CNTN5: variants seen among roughly 807,000 people sequenced by gnomAD.
CNTN5 encodes contactin 5.
A neutral mutation model predicts 129.1 loss-of-function variants in CNTN5; 77 were observed. That is an observed-to-expected ratio of 0.60 (90% CI 0.50 to 0.72). The LOEUF is 0.72. Among genes scored for constraint, CNTN5 ranks in the 30% least tolerant of loss-of-function variants. The probability of loss-of-function intolerance (pLI) is 0.00; values close to 1 mark genes in which losing one functional copy is unlikely to be tolerated. For synonymous variants in CNTN5, 509 were observed against 465.6 expected, an observed-to-expected ratio of 1.09 and a Z score of -1.20; for missense variants, 1,478 against 1,328.8, an observed-to-expected ratio of 1.11 and a Z score of -1.75.
Position 100,013,352 on chromosome 11 carries a change from G to T in CNTN5, c.980+11216G>T, listed in dbSNP as rs551048719. On this transcript the variant is annotated intron_variant, in intron 9 of 24. Transcript: ENST00000524871. ...ATAAACTTATACAAATAATAAAAAA[G>T]ACTTAGTATATCCATCAGAAGTTTC... is the stretch of plus-strand genomic sequence containing the variant. 5.1e-4 allele frequency among the ~76,000 whole-genome samples: 78 copies of T among 152,132 alleles called. 4 individuals are homozygous for T. The South Asian group carries it at 0.016, about 31-fold the overall frequency.
intron 2 of CNTN5, among the ~76,000 whole-genome samples, chr11:99,332,637 G>T (rs1229088773): frequency 6.6e-6 from 1 of 152,032 alleles, no homozygotes; most frequent in Non-Finnish European, 1.5e-5. Flanking sequence ...GGGAAAGAGA[G>T]AGTTAAAATG....
chr11:99,954,898 C>T (rs1422033625), intron 7 of CNTN5, among the ~76,000 whole-genome samples: 3 of 152,076 alleles, frequency 2.0e-5, no homozygotes, highest in African/African-American at 7.2e-5. Flanking sequence ...TTTGAGTCCC[C>T]AAATACTTAC....
intron 3 of CNTN5, among the ~76,000 whole-genome samples, chr11:99,737,777 T>C (rs184733042): frequency 1.3e-5 from 2 of 152,258 alleles, no homozygotes; most frequent in Non-Finnish European, 2.9e-5. Flanking sequence ...GTCCCTAATG[T>C]AGATTTGTTA....
intron 1 of CNTN5, among the ~76,000 whole-genome samples, chr11:99,313,316 A>G (rs1484466605): frequency 6.6e-6 from 1 of 152,102 alleles, no homozygotes; most frequent in Non-Finnish European, 1.5e-5. Flanking sequence ...AGCTTGAATT[A>G]TTTGTGCTTT....
At chr11:100,040,674 G>A (rs1434957798) in intron 9 of CNTN5, among the ~76,000 whole-genome samples, 1 of 152,108 alleles carries the variant, frequency 6.6e-6, no homozygotes, top group Non-Finnish European at 1.5e-5. Context: ...ACTCATCAAT[G>A]GTGGGCGCCC....
At chr11:99,388,039 C>T (rs1941020281) in intron 2 of CNTN5, among the ~76,000 whole-genome samples, 1 of 152,136 alleles carries the variant, frequency 6.6e-6, no homozygotes, top group Non-Finnish European at 1.5e-5. Flanking sequence ...ACTCCTGATT[C>T]TCCTACATAT....
intron 15 of CNTN5, among the ~76,000 whole-genome samples, chr11:100,213,093 G>A (rs1049867416): frequency 2.6e-5 from 4 of 151,912 alleles, no homozygotes; most frequent in Non-Finnish European, 5.9e-5. Flanking sequence ...TAAAAGCAAC[G>A]ATAAGCTTAT....
In CNTN5 at chr11:100,255,647, A is replaced by G. The variant is rs112151606; in HGVS notation, c.2006-113A>G. ...GTTGTCAATTTTAATTACTAAATTC[A>G]TATTTCATTAAGGTGATTACATAGT... On this transcript the variant is annotated intron_variant, in intron 16 of 24. Transcript: ENST00000524871. 143 of 884,746 alleles carry G rather than the reference A, an allele frequency of 1.6e-4. No individual in the cohort carries two copies. In the African/African-American group the frequency reaches 2.1e-3, roughly 13 times the overall value. The allele number at this position is 884,746 out of a possible 1,614,324, so 54.8% of individuals were successfully genotyped here.
At chr11:100,213,019 A>C (rs928492799) in intron 15 of CNTN5, among the ~76,000 whole-genome samples, 3 of 152,288 alleles carry the variant, frequency 2.0e-5, no homozygotes, top group African/African-American at 7.2e-5. Flanking sequence ...TGGCAGAAAC[A>C]ACATTTGTAT....
At chr11:99,275,377 A>G (rs1341135958) in intron 1 of CNTN5, among the ~76,000 whole-genome samples, 1 of 151,620 alleles carries the variant, frequency 6.6e-6, no homozygotes, top group African/African-American at 2.4e-5. Context: ...CTATAATTAA[A>G]TTATATATGT....
At chr11:99,506,361 C>T (rs1946619161) in intron 2 of CNTN5, among the ~76,000 whole-genome samples, 1 of 152,166 alleles carries the variant, frequency 6.6e-6, no homozygotes, top group South Asian at 2.1e-4. Flanking sequence ...GAGCATCTTG[C>T]TCTCTGTTTA....
intron 1 of CNTN5, among the ~76,000 whole-genome samples, chr11:99,073,642 A>AT (rs1440679940): frequency 6.6e-6 from 1 of 151,792 alleles, no homozygotes; most frequent in Non-Finnish European, 1.5e-5. Flanking sequence ...GAGTGAAAAC[A>AT]CGCGGTGTTT....
intron 6 of CNTN5, among the ~76,000 whole-genome samples, chr11:99,911,202 T>A (rs576996079): frequency 2.8e-4 from 43 of 152,168 alleles, no homozygotes; most frequent in Non-Finnish European, 2.8e-4. Flanking sequence ...TTATAAAAAA[T>A]TTTAAAATTT....
intron 1 of CNTN5, among the ~76,000 whole-genome samples, chr11:99,136,122 A>G (rs1591256899): frequency 6.6e-6 from 1 of 152,222 alleles, no homozygotes; most frequent in East Asian, 1.9e-4. Context: ...AAGGCCAGGT[A>G]TTCTAATTAT....
At chr11:99,183,204 A>G (rs2135570576) in intron 1 of CNTN5, among the ~76,000 whole-genome samples, 1 of 152,286 alleles carries the variant, frequency 6.6e-6, no homozygotes, top group East Asian at 1.9e-4. Flanking sequence ...AAGCAACACC[A>G]TAACATTTTC....
chr11:99,653,759 C>T (rs955577676), intron 3 of CNTN5, among the ~76,000 whole-genome samples: 1 of 152,032 alleles, frequency 6.6e-6, no homozygotes, highest in Non-Finnish European at 1.5e-5. Flanking sequence ...CCTAGGAGAG[C>T]ATGGATTTCT....
At chr11:99,143,307 T>A (rs1024792358) in intron 1 of CNTN5, among the ~76,000 whole-genome samples, 5 of 99,404 alleles carry the variant, frequency 5.0e-5, no homozygotes, top group Admixed American at 4.0e-4. Context: ...ACATGTAAAA[T>A]ATATATATTT....
At chr11:100,255,457 C>G (rs1950046805) in intron 16 of CNTN5, among the ~76,000 whole-genome samples, 1 of 152,098 alleles carries the variant, frequency 6.6e-6, no homozygotes, top group Non-Finnish European at 1.5e-5. Context: ...GCATTTGATA[C>G]TGGCATTCAC....
Position 99,636,785 on chromosome 11 carries a change from TG to T in CNTN5, c.55+80522del, listed in dbSNP as rs1214997561. 9.9e-5 allele frequency among the ~76,000 whole-genome samples: 9 copies of T among 90,998 alleles called. No individual in the cohort carries two copies. The South Asian group carries it at 2.6e-3, about 26-fold the overall frequency. The allele number at this position is 90,998 out of a possible 152,430, so 59.7% of individuals were successfully genotyped here. ...ATCTCAGCACTTTGGGAGGCCAAGG[TG>T]GGGGGATGGACGAGATCAGGAGATC... On this transcript the variant is annotated intron_variant, in intron 3 of 24. Transcript: ENST00000524871.
Sources: gnomAD v4.1 joint callset for allele counts (sites outside exome capture counted in the v4.1 genomes callset) on GRCh38, gnomAD v4.1.1 for gene constraint, MANE v1.5 for transcripts, NCBI Gene and HGNC (gene_info 2026-07-23, HGNC 2026-07-21) for gene names.